EXOC6B: variants seen among roughly 807,000 people sequenced by gnomAD.
EXOC6B encodes the protein exocyst complex component 6B, also known as SEC15 homolog B.
EXOC6B carries 54 observed loss-of-function variants against 113.5 expected under a neutral mutation model. The ratio of observed to expected loss-of-function variants is 0.48; its 90% CI spans 0.38 to 0.60. The LOEUF (loss-of-function observed/expected upper bound fraction) is 0.60. Ranked by LOEUF, EXOC6B falls within the 20% of genes least tolerant of loss-of-function variation. The pLI, the probability that EXOC6B is intolerant of heterozygous loss-of-function variation, is 0.00. For missense variants in EXOC6B, 797 were observed against 977.5 expected (o/e 0.82, Z 2.46); for synonymous variants, 357 against 339.0 (o/e 1.05, Z -0.58).
intron 17 of EXOC6B, among the ~76,000 whole-genome samples, chr2:72,469,449 T>A (rs915091032): frequency 6.6e-6 from 1 of 152,122 alleles, no homozygotes; most frequent in African/African-American, 2.4e-5. Flanking sequence ...CAAATTTCCC[T>A]CTGAGTAATG....
At chr2:72,571,439 A>C (rs188478657) in intron 7 of EXOC6B, among the ~76,000 whole-genome samples, 1 of 152,156 alleles carries the variant, frequency 6.6e-6, no homozygotes, top group Admixed American at 6.5e-5. Context: ...AAATGGTTAA[A>C]TATCAGCAGC....
intron 18 of EXOC6B, among the ~76,000 whole-genome samples, chr2:72,441,046 T>G (rs955071695): frequency 6.6e-6 from 1 of 152,230 alleles, no homozygotes; most frequent in Non-Finnish European, 1.5e-5. Context: ...TGTACTTCAG[T>G]GTGTTTTGTA....
chr2:72,338,747 AC>A (rs971223706), intron 19 of EXOC6B, among the ~76,000 whole-genome samples: 1 of 152,088 alleles, frequency 6.6e-6, no homozygotes. Flanking sequence ...AAAATATAAT[AC>A]GCACAGAAAA....
At chr2:72,457,662 G>A (rs1485694981) in intron 18 of EXOC6B, among the ~76,000 whole-genome samples, 2 of 151,900 alleles carry the variant, frequency 1.3e-5, no homozygotes, top group Non-Finnish European at 2.9e-5. Context: ...ATGCAAAATG[G>A]GTAACTGTGT....
intron 6 of EXOC6B, 112 bp downstream of exon 6, chr2:72,717,991 A>ATTT: frequency 1.3e-6 from 1 of 757,528 alleles, no homozygotes; most frequent in Non-Finnish European, 2.1e-6. Context: ...ACTTCCCTAA[A>ATTT]ATGATAAGAA....
chr2:72,793,292 G>A (rs982936241), intron 1 of EXOC6B, among the ~76,000 whole-genome samples: 14 of 152,210 alleles, frequency 9.2e-5, no homozygotes, highest in Admixed American at 9.2e-4. Flanking sequence ...TGCATATTGT[G>A]TTTCACGAAT....
At chr2:72,545,033 T>G (rs1702816463) in intron 8 of EXOC6B, among the ~76,000 whole-genome samples, 1 of 152,128 alleles carries the variant, frequency 6.6e-6, no homozygotes, top group African/African-American at 2.4e-5. Flanking sequence ...AGTATCTTTG[T>G]GAGAAATTGA....
chr2:72,688,119 C>T (rs1205571397), intron 6 of EXOC6B, among the ~76,000 whole-genome samples: 4 of 152,148 alleles, frequency 2.6e-5, no homozygotes, highest in African/African-American at 9.7e-5. Flanking sequence ...AGAATAACTT[C>T]GATGGGAGTT....
intron 6 of EXOC6B, among the ~76,000 whole-genome samples, chr2:72,695,637 T>C (rs1224140747): frequency 1.3e-5 from 2 of 152,110 alleles, no homozygotes; most frequent in Non-Finnish European, 2.9e-5. Context: ...AACTCCAGGA[T>C]ACAAACCCCC....
At chr2:72,396,640 A>G (rs1692742029) in intron 18 of EXOC6B, among the ~76,000 whole-genome samples, 1 of 152,162 alleles carries the variant, frequency 6.6e-6, no homozygotes, top group Non-Finnish European at 1.5e-5. Flanking sequence ...GAGTTCCTGG[A>G]TAAAGTGTTA....
chr2:72,455,954 T>G (rs1299810915), intron 18 of EXOC6B, among the ~76,000 whole-genome samples: 1 of 151,878 alleles, frequency 6.6e-6, no homozygotes, highest in Non-Finnish European at 1.5e-5. Context: ...GAAAAGAACA[T>G]GACACAAGGA....
intron 1 of EXOC6B, among the ~76,000 whole-genome samples, chr2:72,804,188 T>C (rs1278450802): frequency 6.6e-6 from 1 of 152,220 alleles, no homozygotes; most frequent in Admixed American, 6.5e-5. Flanking sequence ...TTCTAGGATG[T>C]AGAAAAAGCA....
At chr2:72,456,686 C>G (rs904179904) in intron 18 of EXOC6B, among the ~76,000 whole-genome samples, 1 of 151,986 alleles carries the variant, frequency 6.6e-6, no homozygotes, top group Non-Finnish European at 1.5e-5. Context: ...AATATTAATA[C>G]TTATCTGATG....
At chr2:72,721,636 CA>C (rs1007117066) in intron 5 of EXOC6B, among the ~76,000 whole-genome samples, 1 of 150,548 alleles carries the variant, frequency 6.6e-6, no homozygotes, top group African/African-American at 2.4e-5. Context: ...CATTTCCAAA[CA>C]AAAAAAAGAT....
chr2:72,486,844 T>C (rs755836229), intron 16 of EXOC6B, among the ~76,000 whole-genome samples: 1 of 151,944 alleles, frequency 6.6e-6, no homozygotes, highest in Non-Finnish European at 1.5e-5. Flanking sequence ...AATAACAGAC[T>C]GTTATCTGTC....
In EXOC6B at chr2:72,559,497, C is replaced by G. The variant is rs748285339; in HGVS notation, c.871G>C (p.Asp291His). The G allele has an allele frequency of 6.2e-7, 1 of 1,612,858 alleles. No homozygotes were observed. Among genetic ancestry groups the G allele is most frequent in the Non-Finnish European group, 8.5e-7 (1 of 1,179,474 alleles). ...EEVPGAQDLV[D>H]FSPVYRCLHI... ...AGACATCGATAAACTGGAGAGAAAT[C>G]CACCAAATCTTGGGCCCCAGGTACC... The change falls in exon 8 of 22, where the codon GAT becomes CAT. Residue 291 changes from aspartate to histidine, a missense_variant. By Grantham distance (81) the Asp-to-His change is moderately conservative (BLOSUM62 -1). Coordinates refer to ENST00000272427, the MANE Select transcript of EXOC6B (RefSeq NM_015189.3).
At chr2:72,633,234 T>C (rs1278651806) in intron 6 of EXOC6B, among the ~76,000 whole-genome samples, 2 of 152,222 alleles carry the variant, frequency 1.3e-5, no homozygotes, top group Non-Finnish European at 2.9e-5. Context: ...AGCACATTCC[T>C]GGAGACCTCC....
intron 17 of EXOC6B, among the ~76,000 whole-genome samples, chr2:72,469,795 T>C (rs889909051): frequency 6.6e-6 from 1 of 152,086 alleles, no homozygotes; most frequent in East Asian, 1.9e-4. Flanking sequence ...CAACTATATA[T>C]ATACACTGAT....
chr2:72,357,510 G>C (rs1690037690), intron 19 of EXOC6B, among the ~76,000 whole-genome samples: 1 of 152,022 alleles, frequency 6.6e-6, no homozygotes, highest in Non-Finnish European at 1.5e-5. Flanking sequence ...GGCCAACATG[G>C]TGAAACCTTG....
Sources: allele counts gnomAD v4.1 joint callset (sites outside exome capture counted in the v4.1 genomes callset), GRCh38; gene constraint gnomAD v4.1.1; transcripts MANE v1.5; gene names NCBI Gene and HGNC (gene_info 2026-07-23, HGNC 2026-07-21).